Variants in SLC4A5 observed in about 807,000 individuals in gnomAD.
The protein encoded by SLC4A5 is electrogenic sodium bicarbonate cotransporter 4.
A neutral mutation model predicts 120.4 loss-of-function variants in SLC4A5; 96 were observed. The ratio of observed to expected loss-of-function variants is 0.80; its 90% confidence interval spans 0.68 to 0.94. The LOEUF is 0.94. Ranked by LOEUF, SLC4A5 falls within the 40% of genes least tolerant of loss-of-function variation. The pLI is 0.00. For missense variants in SLC4A5, 1,259 were observed against 1,459.5 expected, an observed-to-expected ratio of 0.86 and a Z score of 2.24; for synonymous variants, 550 against 571.1, an observed-to-expected ratio of 0.96 and a Z score of 0.53.
At chr2:74,247,336 T>C (rs1425864742) in intron 18 of SLC4A5, 29 bp from the exon 19 acceptor site, 13 of 1,598,722 alleles carry the variant, frequency 8.1e-6, no homozygotes, top group Non-Finnish European at 1.1e-5. Context: ...GTGAGGGGCC[T>C]CCAGCCCAGG....
intron 6 of SLC4A5, among the ~76,000 whole-genome samples, chr2:74,310,444 A>G (rs1273618032): frequency 6.6e-6 from 1 of 152,058 alleles, no homozygotes; most frequent in African/African-American, 2.4e-5. Context: ...TTTTTTGTAG[A>G]TTTTTTAAAA....
intron 7 of SLC4A5, among the ~76,000 whole-genome samples, chr2:74,294,424 T>A (rs1022124899): frequency 6.6e-6 from 1 of 152,170 alleles, no homozygotes; most frequent in Admixed American, 6.5e-5. Flanking sequence ...GATTTAAAAA[T>A]GTCACCAAGA....
chr2:74,258,572 T>G (rs1671040013), intron 12 of SLC4A5, among the ~76,000 whole-genome samples: 3 of 152,228 alleles, frequency 2.0e-5, no homozygotes, highest in Admixed American at 6.5e-5. Flanking sequence ...ACTTCCAAGT[T>G]AAGGGCTCTG....
intron 7 of SLC4A5, chr2:74,290,183 G>A: frequency 1.0e-6 from 1 of 985,576 alleles, no homozygotes; most frequent in Non-Finnish European, 1.2e-6. Flanking sequence ...AAATGGACAG[G>A]TCCTGGAGAG....
intron 21 of SLC4A5, among the ~76,000 whole-genome samples, chr2:74,237,706 C>T (rs369102237): frequency 2.0e-5 from 3 of 152,016 alleles, no homozygotes; most frequent in African/African-American, 7.3e-5. Flanking sequence ...TAAATTCTTC[C>T]GAGTACCCCC....
chr2:74,231,175 C>T (rs573750355), intron 25 of SLC4A5, 61 bp downstream of exon 25: 3 of 1,522,284 alleles, frequency 2.0e-6, no homozygotes, highest in South Asian at 2.5e-5. Context: ...CCCTCCCTGC[C>T]TAAGGCATCC....
intron 8 of SLC4A5, among the ~76,000 whole-genome samples, chr2:74,273,801 A>G (rs1671549812): frequency 6.6e-6 from 1 of 152,208 alleles, no homozygotes; most frequent in Admixed American, 6.5e-5. Flanking sequence ...GAATCATCAG[A>G]TACTCCCCTG....
intron 5 of SLC4A5, among the ~76,000 whole-genome samples, 194 bp downstream of exon 5, chr2:74,327,926 A>G (rs1673256864): frequency 6.6e-6 from 1 of 152,216 alleles, no homozygotes. Context: ...AGGGTGATAA[A>G]AACAGTATAA....
chr2:74,290,041 A>G (rs1480084034), intron 7 of SLC4A5, among the ~76,000 whole-genome samples: 1 of 146,790 alleles, frequency 6.8e-6, no homozygotes, highest in Admixed American at 6.7e-5. Flanking sequence ...TCCCTCACCC[A>G]GCCACCCCGA....
chr2:74,314,995 A>G (rs775327762), exon 6 of SLC4A5: 1 of 1,613,954 alleles, frequency 6.2e-7, no homozygotes, highest in South Asian at 1.1e-5. Flanking sequence ...CAGCTTTCCT[A>G]CCCCAGCCTT....
intron 6 of SLC4A5, among the ~76,000 whole-genome samples, chr2:74,310,390 A>G (rs1174344364): frequency 1.3e-5 from 2 of 152,298 alleles, no homozygotes; most frequent in East Asian, 3.9e-4. Context: ...TCTTAGCAGG[A>G]AAGTTTTCAG....
intron 30 of SLC4A5, among the ~76,000 whole-genome samples, chr2:74,221,204 T>C (rs866422435): frequency 6.6e-6 from 1 of 152,196 alleles, no homozygotes; most frequent in Non-Finnish European, 1.5e-5. Flanking sequence ...TTTACTAAAG[T>C]TGAATACCTT....
intron 12 of SLC4A5, among the ~76,000 whole-genome samples, chr2:74,258,033 C>T (rs1455492781): frequency 6.6e-6 from 1 of 152,208 alleles, no homozygotes; most frequent in African/African-American, 2.4e-5. Context: ...TTGCCCAAAG[C>T]CTGGATGTGG....
chr2:74,294,108 G>A (rs997602305), intron 7 of SLC4A5, among the ~76,000 whole-genome samples: 9 of 152,228 alleles, frequency 5.9e-5, no homozygotes, highest in African/African-American at 2.2e-4. Context: ...AGTGCTTGTG[G>A]ATGGAGCCAA....
intron 8 of SLC4A5, among the ~76,000 whole-genome samples, chr2:74,278,105 T>C (rs1180251058): frequency 6.6e-6 from 1 of 152,226 alleles, no homozygotes; most frequent in Non-Finnish European, 1.5e-5. Flanking sequence ...AGTAGGGGTT[T>C]TGACATGAAG....
intron 27 of SLC4A5, 96 bp from the exon 28 acceptor site, chr2:74,225,091 G>C: frequency 8.2e-7 from 1 of 1,223,812 alleles, no homozygotes; most frequent in East Asian, 2.5e-5. Flanking sequence ...CCCTCAGTCG[G>C]CTGAGTTCAG....
intron 24 of SLC4A5, 140 bp downstream of exon 24, chr2:74,232,329 C>A: frequency 1.1e-6 from 1 of 948,584 alleles, no homozygotes; most frequent in Non-Finnish European, 1.6e-6. Flanking sequence ...CCAGGGATAG[C>A]ACTCCTGTCC....
chr2:74,305,104 GA>G (rs1672602384), intron 6 of SLC4A5, among the ~76,000 whole-genome samples: 1 of 152,144 alleles, frequency 6.6e-6, no homozygotes, highest in Non-Finnish European at 1.5e-5. Flanking sequence ...AACAATCAAG[GA>G]CTACATAGAC....
rs1004307108 is a variant in SLC4A5 at position 74,252,124 on chromosome 2, G to A, written c.1478+55C>T. 23 of 1,570,882 alleles carry A rather than the reference G, an allele frequency of 1.5e-5. No homozygotes were observed. The South Asian group carries it at 1.5e-4, about 10-fold the overall frequency. ...TGGGAAAAGTCCCTAGAGGGCAGCT[G>A]AGAAGGGAGAAGTCTAAAGGACAGC... is the stretch of plus-strand genomic sequence containing the variant. On this transcript the variant is annotated intron_variant, in intron 16 of 30. Coordinates refer to ENST00000394019, the Ensembl canonical transcript of SLC4A5.
Sources: gnomAD v4.1 joint callset for allele counts (sites outside exome capture counted in the v4.1 genomes callset) on GRCh38, gnomAD v4.1.1 for gene constraint, MANE v1.5 for transcripts, NCBI Gene and HGNC (gene_info 2026-07-23, HGNC 2026-07-21) for gene names.